Variants in ATP13A3 observed in about 807,000 individuals in gnomAD.
The protein encoded by ATP13A3 is ATPase 13A3.
In ATP13A3, 59 loss-of-function variants were observed where a neutral mutation model predicts 158.1. That is an observed-to-expected ratio of 0.37 (90% CI 0.30 to 0.46). The LOEUF is 0.46. Among genes scored for constraint, ATP13A3 ranks in the 20% least tolerant of loss-of-function variants. The pLI, the probability that ATP13A3 is intolerant of heterozygous loss-of-function variation, is 1.00. For missense variants in ATP13A3, 1,166 were observed against 1,525.2 expected, an observed-to-expected ratio of 0.76 and a Z score of 3.92; for synonymous variants, 491 against 504.3, an observed-to-expected ratio of 0.97 and a Z score of 0.35.
chr3:194,453,027 T>C lies in ATP13A3; in HGVS notation c.838+679A>G, dbSNP rs919202873. 3 of 152,184 alleles carry C rather than the reference T, an allele frequency of 2.0e-5. No homozygotes were observed. In the South Asian group the frequency reaches 6.2e-4, roughly 32 times the overall value. 9.4% of individuals were successfully genotyped at this position (152,184 alleles called of 1,614,324 possible). ...CTTTTAGTTCTTAAAAAAATGAATGTATGTGCGAGGCAGAGTGGCTCAAGC... is the reference window on the plus strand; with the variant it reads ...CTTTTAGTTCTTAAAAAAATGAATGCATGTGCGAGGCAGAGTGGCTCAAGC... On this transcript the variant is annotated intron_variant, in intron 10 of 33. Coordinates refer to ENST00000645319, the MANE Select transcript of ATP13A3 (RefSeq NM_001367549.1).
chr3:194,437,478 A>G lies in ATP13A3; in HGVS notation c.1846-14T>C, dbSNP rs780773060. On this transcript the variant is annotated splice_polypyrimidine_tract_variant and intron_variant, in intron 18 of 33. Coordinates refer to ENST00000645319, the MANE Select transcript of ATP13A3 (RefSeq NM_001367549.1). ...CTCATAAGTAGCCTATATCATTTCA[A>G]AAGAGGCACAAAGCACTTAATATTC... is the stretch of plus-strand genomic sequence containing the variant. The G allele has an allele frequency of 1.2e-6, 2 of 1,614,072 alleles. No individual in the cohort carries two copies. Among genetic ancestry groups the G allele is most frequent in the Non-Finnish European group, 1.7e-6 (2 of 1,179,992 alleles).
chr3:194,438,923 A>C lies in ATP13A3; in HGVS notation c.1760T>G (p.Met587Arg), dbSNP rs1230012773. Residue 587 changes from methionine to arginine, a missense_variant, in exon 17 of 34, where the codon ATG becomes AGG. Physicochemically the swap from Met to Arg is moderately conservative, Grantham distance 91. Transcript: ENST00000645319. ...TTTGGGAGGACGAACCACTGTGGGCATAATTCGATTATGAAGTGCTGTTTC... is the reference window on the plus strand; with the variant it reads ...TTTGGGAGGACGAACCACTGTGGGCCTAATTCGATTATGAAGTGCTGTTTC... The part of the protein sequence containing the change: ...EEETALHNRI[M>R]PTVVRPPKQL... 1 of 1,610,522 alleles carries C rather than the reference A, an allele frequency of 6.2e-7. No individual in the cohort carries two copies. The highest frequency in any genetic ancestry group is 2.2e-5 in the East Asian group (1 of 44,718).
chr3:194,431,545 G>C (rs895533913), intron 22 of ATP13A3, among the ~76,000 whole-genome samples, 172 bp downstream of exon 22: 1 of 152,190 alleles, frequency 6.6e-6, no homozygotes, highest in African/African-American at 2.4e-5. Context: ...TGAACATTGA[G>C]ATTCCTGGGT....
Position 194,485,790 on chromosome 3 carries a change from A to G in ATP13A3, c.-47+4T>C, listed in dbSNP as rs923143243. 6.6e-6 allele frequency: 1 copy of G among 152,240 alleles called. No individual in the cohort carries two copies. Among genetic ancestry groups the G allele is most frequent in the African/African-American group, 2.4e-5 (1 of 41,454 alleles). The allele number at this position is 152,240 out of a possible 1,614,324, so 9.4% of individuals were successfully genotyped here. Reference sequence around the variant, plus strand: ...AAGCGGCTAATTATGTGAGTGATTCATACCTCCTATGTCCAAACACCAAGA... The same window carrying G: ...AAGCGGCTAATTATGTGAGTGATTCGTACCTCCTATGTCCAAACACCAAGA... On this transcript the variant is annotated splice_donor_region_variant and intron_variant, in intron 2 of 33. Coordinates refer to ENST00000645319, the MANE Select transcript of ATP13A3 (RefSeq NM_001367549.1).
chr3:194,459,412 C>G (rs898867760), intron 6 of ATP13A3, 59 bp downstream of exon 6: 2 of 1,182,256 alleles, frequency 1.7e-6, no homozygotes, highest in East Asian at 2.3e-5. Context: ...GGACTCTTTT[C>G]TATCTAGAAC....
chr3:194,444,925 A>C (rs1718296351), intron 14 of ATP13A3, 139 bp from the exon 15 acceptor site: 1 of 595,680 alleles, frequency 1.7e-6, no homozygotes, highest in Non-Finnish European at 2.8e-6. Flanking sequence ...GAGTTAAAAA[A>C]AGAAACAGGC....
At chr3:194,435,989 C>G (rs1262810902) in intron 20 of ATP13A3, among the ~76,000 whole-genome samples, 3 of 152,204 alleles carry the variant, frequency 2.0e-5, no homozygotes, top group Non-Finnish European at 4.4e-5. Flanking sequence ...GTCTTATCCC[C>G]TAGCACCCTT....
chr3:194,438,285 T>C (rs1717804859), intron 17 of ATP13A3, among the ~76,000 whole-genome samples: 1 of 152,220 alleles, frequency 6.6e-6, no homozygotes, highest in African/African-American at 2.4e-5. Context: ...GGTAAATTTC[T>C]TGGATATGTA....
At chr3:194,426,086 T>C (rs1006533907) in intron 29 of ATP13A3, among the ~76,000 whole-genome samples, 3 of 152,216 alleles carry the variant, frequency 2.0e-5, no homozygotes, top group African/African-American at 7.2e-5. Flanking sequence ...CAACAATCAT[T>C]ACTAAAGCAT....
chr3:194,447,101 G>T lies in ATP13A3; in HGVS notation c.1323C>A (p.Val441=). The change falls in exon 14 of 34, where the codon GTC becomes GTA. Residue 441 remains valine (V), a synonymous_variant. Transcript: ENST00000645319. Reference sequence around the variant, plus strand: ...TAATATCAAGAGACTCGATAATTATGACCCCAACTTGTACCTACAATTAAC... The same window carrying T: ...TAATATCAAGAGACTCGATAATTATTACCCCAACTTGTACCTACAATTAAC... ...NSILNEVQVG[V]IIIESLDIIT... 6.2e-7 allele frequency: 1 copy of T among 1,607,800 alleles called. No homozygotes were observed. Among genetic ancestry groups the T allele is most frequent in the South Asian group, 1.1e-5 (1 of 89,120 alleles).
At chr3:194,447,226 T>G (rs1322868887) in intron 13 of ATP13A3, 111 bp from the exon 14 acceptor site, 1 of 895,796 alleles carries the variant, frequency 1.1e-6, no homozygotes, top group Non-Finnish European at 1.7e-6. Context: ...TATTTCAATT[T>G]TATGTATGTG....
chr3:194,477,110 A>G (rs1380966227), intron 2 of ATP13A3, among the ~76,000 whole-genome samples: 1 of 152,176 alleles, frequency 6.6e-6, no homozygotes. Flanking sequence ...ACTTCTTTAT[A>G]TAGAATATTC....
rs1176867610 is a variant in ATP13A3 at position 194,450,273 on chromosome 3, A to G, written c.842T>C (p.Ile281Thr). The change falls in exon 11 of 34, where the codon ATA (isoleucine) becomes ACA (threonine). Residue 281 changes from isoleucine to threonine, a missense_variant. This residue lies in a region of ATP13A3 where 997 missense variants were observed against 1,341.2 expected (regional missense o/e 0.74). Transcript: ENST00000645319. ...AAGGTCGGTAGAAAAGATTTCTTCT[A>G]TTTCTGAAATTAAAGAAAGAAAGAA... The part of the protein sequence containing the change: ...RVSVCRVNEE[I>T]EEIFSTDLVP... 2.5e-6 allele frequency: 4 copies of G among 1,610,244 alleles called. No individual in the cohort carries two copies. The highest frequency in any genetic ancestry group is 4.5e-5 in the East Asian group (2 of 44,840).
At chr3:194,457,550 G>T (rs905860394) in intron 6 of ATP13A3, among the ~76,000 whole-genome samples, 1 of 152,042 alleles carries the variant, frequency 6.6e-6, no homozygotes, top group African/African-American at 2.4e-5. Flanking sequence ...AACCAAAGAT[G>T]AAAACATTTT....
chr3:194,442,028 C>A (rs1216653020), intron 15 of ATP13A3, among the ~76,000 whole-genome samples: 1 of 152,050 alleles, frequency 6.6e-6, no homozygotes, highest in Non-Finnish European at 1.5e-5. Flanking sequence ...TTTTATTACC[C>A]CCATTATAGA....
rs1414613560 is a variant in ATP13A3 at position 194,448,713 on chromosome 3, A to G, written c.971-77T>C. On this transcript the variant is annotated intron_variant, in intron 11 of 33. Coordinates refer to ENST00000645319, the MANE Select transcript of ATP13A3 (RefSeq NM_001367549.1). This position sits in a 1 kb window ranked among gnomAD's most constrained non-coding sequence, Gnocchi z 4.0. Reference sequence around the variant, plus strand: ...AGCACAGGAATCAGTATCGAACACCAAAAAATATTAAATTGTTAAATATTT... The same window carrying G: ...AGCACAGGAATCAGTATCGAACACCGAAAAATATTAAATTGTTAAATATTT... 7 of 1,317,800 alleles carry G rather than the reference A, an allele frequency of 5.3e-6. No individual in the cohort carries two copies. The highest frequency in any genetic ancestry group is 2.7e-4 in the Middle Eastern group (1 of 3,740). 81.6% of individuals were successfully genotyped at this position (1,317,800 alleles called of 1,614,324 possible).
intron 2 of ATP13A3, chr3:194,467,983 C>A (rs554979827): frequency 2.0e-5 from 3 of 152,222 alleles, no homozygotes; most frequent in Admixed American, 2.0e-4. Flanking sequence ...TTACCAGTAG[C>A]ACTATATCAT....
At position 194,447,869 on chromosome 3, in the gene ATP13A3, T is replaced by G; in HGVS notation, c.1291A>C (p.Asn431His). 6.2e-7 allele frequency: 1 copy of G among 1,611,136 alleles called. No homozygotes were observed. Among genetic ancestry groups the G allele is most frequent in the Non-Finnish European group, 8.5e-7 (1 of 1,177,390 alleles). ...AGIGFIYTII[N>H]SILNEVQVGV... ...ATACATACCTCATTTAAAATGCTAT[T>G]AATAATAGTGTAGATAAACCCAATG... The change falls in exon 13 of 34, where the codon AAT becomes CAT. Residue 431 changes from asparagine to histidine, a missense_variant. This residue lies in a region of ATP13A3 where 997 missense variants were observed against 1,341.2 expected (regional missense o/e 0.74). Transcript: ENST00000645319.
chr3:194,447,131 A>G lies in ATP13A3; in HGVS notation c.1309-16T>C, dbSNP rs781177668. On this transcript the variant is annotated splice_polypyrimidine_tract_variant and intron_variant, in intron 13 of 33. Transcript: ENST00000645319. ...CAACTTGTACCTACAATTAACACAAAAATAAATGTCAAATCCCCAGTATTA... is the reference window on the plus strand; with the variant it reads ...CAACTTGTACCTACAATTAACACAAGAATAAATGTCAAATCCCCAGTATTA... 1.3e-6 allele frequency: 2 copies of G among 1,579,508 alleles called. No individual in the cohort carries two copies. Among genetic ancestry groups the G allele is most frequent in the Non-Finnish European group, 1.7e-6 (2 of 1,161,690 alleles).
Sources: allele counts gnomAD v4.1 joint callset (sites outside exome capture counted in the v4.1 genomes callset), GRCh38; gene constraint gnomAD v4.1.1; regional missense constraint gnomAD v4.1.1; non-coding constraint Gnocchi (gnomAD v3.1); transcripts MANE v1.5; gene names NCBI Gene and HGNC (gene_info 2026-07-23, HGNC 2026-07-21).